FOXN3: variants seen among roughly 807,000 people sequenced by gnomAD.
The protein encoded by FOXN3 is forkhead box protein N3.
In FOXN3, 7 loss-of-function variants were observed where a neutral mutation model predicts 38.4. The ratio of observed to expected loss-of-function variants is 0.18; its 90% CI spans 0.10 to 0.34. FOXN3 has a LOEUF of 0.34. Ranked by LOEUF, FOXN3 falls within the 10% of genes least tolerant of loss-of-function variation. The pLI is 1.00. For synonymous variants in FOXN3, 230 were observed against 242.2 expected (o/e 0.95, Z 0.47); for missense variants, 456 against 613.4 (o/e 0.74, Z 2.71).
chr14:89,447,625 A>C (rs1379802975), intron 1 of FOXN3, among the ~76,000 whole-genome samples: 1 of 152,050 alleles, frequency 6.6e-6, no homozygotes, highest in Non-Finnish European at 1.5e-5. Context: ...CTCTACTAGG[A>C]AACACACCCC....
chr14:89,229,029 G>GC (rs1475075101), intron 4 of FOXN3, among the ~76,000 whole-genome samples: 8 of 152,080 alleles, frequency 5.3e-5, no homozygotes, highest in Admixed American at 5.2e-4. Flanking sequence ...TCATGAGAGA[G>GC]CCTTGCACAA....
chr14:89,231,020 A>C (rs1034976060), intron 4 of FOXN3, among the ~76,000 whole-genome samples: 1 of 152,148 alleles, frequency 6.6e-6, no homozygotes, highest in Non-Finnish European at 1.5e-5. Flanking sequence ...GTTGATGATA[A>C]TGATAACATC....
intron 2 of FOXN3, among the ~76,000 whole-genome samples, chr14:89,411,065 C>T (rs988797512): frequency 2.0e-5 from 3 of 152,168 alleles, no homozygotes; most frequent in Non-Finnish European, 2.9e-5. Context: ...GCATTGCCAC[C>T]TGAGCTCCAC....
At chr14:89,430,714 C>T (rs1892136725) in intron 1 of FOXN3, among the ~76,000 whole-genome samples, 1 of 152,142 alleles carries the variant, frequency 6.6e-6, no homozygotes, top group African/African-American at 2.4e-5. Flanking sequence ...CTTCCGTTAG[C>T]TCTTAGATCT....
intron 2 of FOXN3, among the ~76,000 whole-genome samples, chr14:89,405,213 C>T (rs967461541): frequency 6.6e-6 from 1 of 151,998 alleles, no homozygotes; most frequent in East Asian, 1.9e-4. Context: ...CTTCACTCAC[C>T]GCAACCTCTG....
At chr14:89,288,864 AG>A (rs1333504801) in intron 3 of FOXN3, among the ~76,000 whole-genome samples, 7 of 151,256 alleles carry the variant, frequency 4.6e-5, no homozygotes, top group Non-Finnish European at 7.4e-5. Flanking sequence ...AAAGATACAA[AG>A]GACTATCATA....
At chr14:89,370,396 G>T (rs1412939850) in intron 2 of FOXN3, among the ~76,000 whole-genome samples, 1 of 152,232 alleles carries the variant, frequency 6.6e-6, no homozygotes, top group Non-Finnish European at 1.5e-5. Context: ...CTTTGGGGTT[G>T]CCCCCATGAC....
chr14:89,210,482 T>C (rs557848425), intron 4 of FOXN3, among the ~76,000 whole-genome samples: 220 of 152,334 alleles, frequency 1.4e-3, no homozygotes, highest in African/African-American at 5.1e-3. Context: ...TTTACAGCAA[T>C]GCGAGAATGG....
rs3783844 is a variant in FOXN3, at chr14:89,401,267, C to A, written c.543+10667G>T. 7.2e-5 allele frequency among the ~76,000 whole-genome samples: 11 copies of A among 151,974 alleles called. No individual in the cohort carries two copies. The East Asian group carries it at 1.7e-3, about 24-fold the overall frequency. On this transcript the variant is annotated intron_variant, in intron 2 of 5. Coordinates refer to ENST00000557258, the MANE Select transcript of FOXN3 (RefSeq NM_005197.4). The stretch of plus-strand genomic sequence containing the variant: ...GACCAGCCTGGCCAACATGGTGAAA[C>A]CCCGTTTTCACTAAAAACAGAAAAA...
intron 1 of FOXN3, among the ~76,000 whole-genome samples, chr14:89,415,748 A>T (rs1250094080): frequency 6.6e-6 from 1 of 151,120 alleles, no homozygotes; most frequent in African/African-American, 2.4e-5. Flanking sequence ...GGATCATGTG[A>T]GTTGCAGTTA....
intron 2 of FOXN3, among the ~76,000 whole-genome samples, chr14:89,369,892 A>G (rs1021048693): frequency 6.6e-6 from 1 of 152,222 alleles, no homozygotes; most frequent in Non-Finnish European, 1.5e-5. Context: ...AGACAAGTTA[A>G]CGAATTTGTC....
chr14:89,590,326 G>A (rs1279173054), intron 1 of FOXN3, among the ~76,000 whole-genome samples: 2 of 152,232 alleles, frequency 1.3e-5, no homozygotes, highest in East Asian at 3.9e-4. Context: ...GAAAGGGAGA[G>A]GAGACCCAGC....
intron 1 of FOXN3, among the ~76,000 whole-genome samples, chr14:89,471,658 G>A (rs1566667652): frequency 1.3e-5 from 2 of 152,144 alleles, no homozygotes; most frequent in Admixed American, 6.5e-5. Flanking sequence ...CAATACTGAA[G>A]ACACATACTA....
At chr14:89,290,871 G>T (rs1225205097) in intron 3 of FOXN3, 2 of 286,118 alleles carry the variant, frequency 7.0e-6, no homozygotes, top group Non-Finnish European at 6.9e-6. Context: ...CTTTTCTTTT[G>T]TGTCTTCATT....
intron 1 of FOXN3, among the ~76,000 whole-genome samples, chr14:89,565,721 G>A (rs1346866885): frequency 1.3e-5 from 2 of 152,192 alleles, no homozygotes; most frequent in Non-Finnish European, 2.9e-5. Flanking sequence ...ACAAGTAGAA[G>A]TCAAGGAGAA....
chr14:89,242,533 G>C (rs1414358784), intron 4 of FOXN3, among the ~76,000 whole-genome samples: 1 of 152,056 alleles, frequency 6.6e-6, no homozygotes, highest in East Asian at 1.9e-4. Context: ...CAAACAGAAA[G>C]AGCTATGAAT....
At chr14:89,268,575 G>A (rs1376309174) in intron 4 of FOXN3, among the ~76,000 whole-genome samples, 2 of 152,238 alleles carry the variant, frequency 1.3e-5, no homozygotes, top group East Asian at 3.8e-4. Flanking sequence ...AGGGCAAGGA[G>A]AGAGTGGCCC....
intron 3 of FOXN3, among the ~76,000 whole-genome samples, chr14:89,325,957 A>G (rs920471904): frequency 6.6e-6 from 1 of 152,238 alleles, no homozygotes; most frequent in Non-Finnish European, 1.5e-5. Flanking sequence ...AGCTCCATCT[A>G]AGACATTAAT....
chr14:89,321,969 A>C (rs1217804100), intron 3 of FOXN3, among the ~76,000 whole-genome samples: 3 of 152,208 alleles, frequency 2.0e-5, no homozygotes, highest in Non-Finnish European at 4.4e-5. Context: ...AAAAGCAAGA[A>C]TCTTTTAGGT....
Sources: allele counts gnomAD v4.1 joint callset (sites outside exome capture counted in the v4.1 genomes callset), GRCh38; gene constraint gnomAD v4.1.1; transcripts MANE v1.5; gene names NCBI Gene and HGNC (gene_info 2026-07-23, HGNC 2026-07-21).